The following VRK1 variants were observed in gnomAD, a reference collection of about 807,000 sequenced individuals.
VRK1 encodes VRK serine/threonine kinase 1.
Under a neutral mutation model 57.1 loss-of-function variants are expected in VRK1, and 33 were observed. That is an observed-to-expected ratio of 0.58 (90% confidence interval 0.44 to 0.77). The LOEUF (loss-of-function observed/expected upper bound fraction) is 0.77. Among genes scored for constraint, VRK1 ranks in the 30% least tolerant of loss-of-function variants. VRK1 has a pLI of 0.00. For missense variants in VRK1, 413 were observed against 477.3 expected (o/e 0.87, Z 1.25); for synonymous variants, 137 against 147.8 (o/e 0.93, Z 0.53).
At chr14:96,845,866 G>A (rs906649660) in intron 3 of VRK1, among the ~76,000 whole-genome samples, 61 of 152,170 alleles carry the variant, frequency 4.0e-4, no homozygotes, top group African/African-American at 1.4e-3. Flanking sequence ...ATCTGATTTT[G>A]TATAATTTAT....
At position 96,832,643 on chromosome 14, in the gene VRK1, TC is replaced by T. The variant is rs376901877; in HGVS notation, c.-5-823del. Among the ~76,000 whole-genome samples, 4 of 152,296 alleles carry T rather than the reference TC, an allele frequency of 2.6e-5. No homozygotes were observed. The East Asian group carries it at 7.7e-4, about 29-fold the overall frequency. On this transcript the variant is annotated intron_variant, in intron 1 of 12. Transcript: ENST00000216639. ...CTCTTTTCACAATAAAACACTGCTT[TC>T]TCTGAATGTTATGTTAAACTTATGT...
At chr14:96,863,031 A>C (rs886478931) in intron 11 of VRK1, among the ~76,000 whole-genome samples, 1 of 152,146 alleles carries the variant, frequency 6.6e-6, no homozygotes, top group African/African-American at 2.4e-5. Context: ...TTTCTTGTCT[A>C]TGTTTTTGCA....
chr14:96,881,193 G>T lies in VRK1; in HGVS notation c.1176G>T (p.Lys392Asn). 6.2e-7 allele frequency: 1 copy of T among 1,605,840 alleles called. No homozygotes were observed. Among genetic ancestry groups the T allele is most frequent in the Non-Finnish European group, 8.5e-7 (1 of 1,175,514 alleles). Residue 392 changes from lysine (K) to asparagine (N), a missense_variant, in exon 13 of 13, where the codon AAG (lysine) becomes AAT (asparagine). Transcript: ENST00000216639. Reference protein sequence around the residue: ...EAIQTRSRTRKRVQK With the variant: ...EAIQTRSRTRNRVQK ...TTCTTCAAGGTTCAAGAACCAGAAA[G>T]AGAGTCCAGAAGTAATTCAGATGCT...
chr14:96,839,911 T>G (rs1266430112), intron 3 of VRK1, among the ~76,000 whole-genome samples: 2 of 152,352 alleles, frequency 1.3e-5, no homozygotes, highest in East Asian at 3.9e-4. Context: ...TGATTGATAT[T>G]TGAGTGTTGA....
chr14:96,798,186 A>G (rs928461451), intron 1 of VRK1, among the ~76,000 whole-genome samples: 1 of 152,104 alleles, frequency 6.6e-6, no homozygotes, highest in Non-Finnish European at 1.5e-5. Flanking sequence ...GACTTTCATA[A>G]CCGTTTGACA....
At chr14:96,808,035 G>GTGTGTGTA (rs1376315101) in intron 1 of VRK1, among the ~76,000 whole-genome samples, 2 of 103,162 alleles carry the variant, frequency 1.9e-5, no homozygotes, top group African/African-American at 4.4e-5. Context: ...GTGTGTGTGT[G>GTGTGTGTA]TGTGTGTGTG....
At chr14:96,858,075 G>C (rs1195155701) in intron 10 of VRK1, among the ~76,000 whole-genome samples, 1 of 151,638 alleles carries the variant, frequency 6.6e-6, no homozygotes. Context: ...TATTGTTGTT[G>C]TTTTGTTTTT....
chr14:96,871,309 G>T (rs1220503810), intron 11 of VRK1, among the ~76,000 whole-genome samples: 1 of 152,126 alleles, frequency 6.6e-6, no homozygotes, highest in East Asian at 1.9e-4. Flanking sequence ...TCCAGAGTAG[G>T]TAACTAAAAA....
intron 11 of VRK1, among the ~76,000 whole-genome samples, chr14:96,867,110 T>C (rs76175048): frequency 6.6e-6 from 1 of 152,208 alleles, no homozygotes; most frequent in Non-Finnish European, 1.5e-5. Context: ...CTATGTATTA[T>C]TTTTTAGAGT....
chr14:96,809,536 G>A (rs1215749147), intron 1 of VRK1, among the ~76,000 whole-genome samples: 1 of 146,628 alleles, frequency 6.8e-6, no homozygotes, highest in Non-Finnish European at 1.5e-5. Flanking sequence ...TGGTCAAAAT[G>A]TATATGCATC....
intron 1 of VRK1, among the ~76,000 whole-genome samples, chr14:96,811,621 A>G (rs998722407): frequency 2.6e-5 from 4 of 152,042 alleles, no homozygotes; most frequent in African/African-American, 9.7e-5. Context: ...AAAATCTACC[A>G]TTTGCTGGTT....
Position 96,876,125 on chromosome 14 carries a change from G to C in VRK1, c.1159+5G>C, listed in dbSNP as rs372052354. The C allele has an allele frequency of 6.2e-7, 1 of 1,613,388 alleles. No homozygotes were observed. The highest frequency in any genetic ancestry group is 1.3e-5 in the African/African-American group (1 of 75,012). On this transcript the variant is annotated splice_donor_5th_base_variant and intron_variant, in intron 12 of 12. Coordinates refer to ENST00000216639, the MANE Select transcript of VRK1 (RefSeq NM_003384.3). ...CAGAGGAGGCCATACAGACCCGTAA[G>C]TTGAACAGTTTTGCCTAGCTGCTTT...
At chr14:96,798,703 A>G (rs1355573826) in intron 1 of VRK1, among the ~76,000 whole-genome samples, 1 of 152,170 alleles carries the variant, frequency 6.6e-6, no homozygotes, top group Non-Finnish European at 1.5e-5. Context: ...GCTGAGCATG[A>G]TACTTTGGGG....
At chr14:96,804,394 A>G (rs990065465) in intron 1 of VRK1, among the ~76,000 whole-genome samples, 1 of 152,238 alleles carries the variant, frequency 6.6e-6, no homozygotes, top group African/African-American at 2.4e-5. Flanking sequence ...TAATAAATAC[A>G]GGTTTATTGA....
At chr14:96,843,666 C>A (rs957425188) in intron 3 of VRK1, among the ~76,000 whole-genome samples, 9 of 152,104 alleles carry the variant, frequency 5.9e-5, no homozygotes, top group Non-Finnish European at 1.2e-4. Context: ...ATGTCAGTCC[C>A]AATTTCTTTT....
intron 1 of VRK1, among the ~76,000 whole-genome samples, chr14:96,817,163 G>A (rs2139709487): frequency 6.6e-6 from 1 of 152,136 alleles, no homozygotes; most frequent in Admixed American, 6.5e-5. Context: ...TACTTCATAT[G>A]TATTTGAAAA....
chr14:96,833,377 G>A, intron 1 of VRK1, 90 bp from the exon 2 acceptor site: 2 of 1,479,884 alleles, frequency 1.4e-6, no homozygotes, highest in Non-Finnish European at 1.8e-6. Flanking sequence ...AATTTGAACA[G>A]CATCTCCGTA....
chr14:96,878,416 T>G (rs1889123842), intron 12 of VRK1, among the ~76,000 whole-genome samples: 1 of 152,224 alleles, frequency 6.6e-6, no homozygotes, highest in African/African-American at 2.4e-5. Flanking sequence ...ACAGCAGCTT[T>G]AGAAATGTCA....
In VRK1 at chr14:96,797,711, C is replaced by T. The variant is rs575819450; in HGVS notation, c.-6+264C>T. ...GATGCCTGGACTGGCCAGGCCGGCC[C>T]CCATCTGAGCTCCACGTTCTGGACG... On this transcript the variant is annotated intron_variant, in intron 1 of 12. Coordinates refer to ENST00000216639, the MANE Select transcript of VRK1 (RefSeq NM_003384.3). 1.3e-3 allele frequency among the ~76,000 whole-genome samples: 192 copies of T among 152,276 alleles called. 3 individuals carry two copies. The South Asian group carries it at 0.022, about 17-fold the overall frequency.
Sources: allele counts gnomAD v4.1 joint callset (sites outside exome capture counted in the v4.1 genomes callset), GRCh38; gene constraint gnomAD v4.1.1; transcripts MANE v1.5; gene names NCBI Gene and HGNC (gene_info 2026-07-23, HGNC 2026-07-21).